The following PNPLA1 variants were observed in gnomAD, a reference collection of about 807,000 sequenced individuals.
PNPLA1 encodes the protein omega-hydroxyceramide transacylase.
In PNPLA1, 36 loss-of-function variants were observed where a neutral mutation model predicts 51.7. The ratio of observed to expected loss-of-function variants is 0.70; its 90% CI spans 0.53 to 0.92. PNPLA1 has a LOEUF of 0.92. PNPLA1 is among the 40% of genes least tolerant of loss of function. The probability of loss-of-function intolerance (pLI) is 0.00; values close to 1 mark genes in which losing one functional copy is unlikely to be tolerated. For missense variants in PNPLA1, 658 were observed against 682.5 expected (o/e 0.96, Z 0.40); for synonymous variants, 293 against 280.1 (o/e 1.05, Z -0.46).
rs140795155 is a variant in PNPLA1, at chr6:36,311,045, A to G, written c.1596-718A>G. ...GAAAGGAGCAGAGAGAGGGTATCTG[A>G]ATGCATGGTTCTGCCTAGGAGCTTT... On this transcript the variant is annotated intron_variant, in intron 8 of 8. Coordinates refer to ENST00000636260, the MANE Select transcript of PNPLA1 (RefSeq NM_001374623.1). Among the ~76,000 whole-genome samples the G allele has an allele frequency of 2.1e-3, 326 of 152,300 alleles. 1 individual carries two copies. Among genetic ancestry groups the G allele is most frequent in the African/African-American group, 7.5e-3 (310 of 41,566 alleles).
At chr6:36,263,538 C>T (rs1321114819) in intron 1 of PNPLA1, among the ~76,000 whole-genome samples, 3 of 152,176 alleles carry the variant, frequency 2.0e-5, no homozygotes, top group Admixed American at 6.5e-5. Context: ...AGAGAAGTGA[C>T]GTGATTAGGA....
At chr6:36,264,055 T>G (rs1769710962) in intron 1 of PNPLA1, among the ~76,000 whole-genome samples, 1 of 152,174 alleles carries the variant, frequency 6.6e-6, no homozygotes, top group African/African-American at 2.4e-5. Flanking sequence ...AACCTGGAGC[T>G]TCCCCATGCA....
chr6:36,280,480 C>G (rs1375221834), intron 1 of PNPLA1, among the ~76,000 whole-genome samples: 1 of 152,178 alleles, frequency 6.6e-6, no homozygotes, highest in African/African-American at 2.4e-5. Flanking sequence ...TTGGGTCTTT[C>G]ATTTTTTATG....
intron 1 of PNPLA1, among the ~76,000 whole-genome samples, chr6:36,243,727 C>T (rs888376210): frequency 7.2e-5 from 11 of 152,220 alleles, no homozygotes; most frequent in Admixed American, 7.2e-4. Context: ...AAGACACTCA[C>T]CTCCCCCAAC....
intron 5 of PNPLA1, 39 bp from the exon 6 acceptor site, chr6:36,301,822 C>A (rs373763742): frequency 5.0e-5 from 80 of 1,586,376 alleles, no homozygotes; most frequent in Non-Finnish European, 6.5e-5. Context: ...CATGCTGCTG[C>A]CAGGGCTGAG....
At chr6:36,272,717 C>T (rs1050134637) in intron 1 of PNPLA1, among the ~76,000 whole-genome samples, 5 of 152,064 alleles carry the variant, frequency 3.3e-5, no homozygotes, top group African/African-American at 1.2e-4. Context: ...TCTGAAGGGC[C>T]GGCTGGGCTG....
intron 2 of PNPLA1, among the ~76,000 whole-genome samples, chr6:36,292,626 C>T (rs1274380643): frequency 3.9e-5 from 6 of 152,202 alleles, no homozygotes; most frequent in Non-Finnish European, 8.8e-5. Flanking sequence ...CCCATGCTCA[C>T]CTCCACCATG....
At chr6:36,302,611 G>A in intron 6 of PNPLA1, 142 bp downstream of exon 6, 1 of 1,172,598 alleles carries the variant, frequency 8.5e-7, no homozygotes, top group East Asian at 2.4e-5. Flanking sequence ...TGTCCATTAT[G>A]AGGACAGTCC....
chr6:36,269,933 G>C (rs1769857771), upstream of PNPLA1, among the ~76,000 whole-genome samples: 1 of 152,212 alleles, frequency 6.6e-6, no homozygotes, highest in South Asian at 2.1e-4. Flanking sequence ...CCTCCTGGAG[G>C]GAGGCGGGCT....
At chr6:36,257,745 C>A (rs1295141370) in intron 1 of PNPLA1, among the ~76,000 whole-genome samples, 1 of 152,130 alleles carries the variant, frequency 6.6e-6, no homozygotes, top group Non-Finnish European at 1.5e-5. Context: ...TGAGTTGTCT[C>A]AAGGTTGGTC....
intron 8 of PNPLA1, 126 bp from the exon 9 acceptor site, chr6:36,311,637 A>G (rs1184801790): frequency 6.6e-6 from 1 of 152,670 alleles, no homozygotes; most frequent in East Asian, 1.9e-4. Context: ...CCAATTTCCT[A>G]GAGAGGGCAA....
intron 3 of PNPLA1, among the ~76,000 whole-genome samples, chr6:36,293,403 A>C (rs555447147): frequency 1.3e-5 from 2 of 152,294 alleles, no homozygotes; most frequent in South Asian, 4.1e-4. Flanking sequence ...GTTTTCCCAG[A>C]CTTGACAGAG....
Position 36,291,318 on chromosome 6 carries a change from A to G in PNPLA1, c.206-2A>G. 6.2e-7 allele frequency: 1 copy of G among 1,613,438 alleles called. No homozygotes were observed. ...ACCCCCTCTTCTCTGCTTCCTTTGC[A>G]GATGAGTATCTCAGAGTCCTCAACG... On this transcript the variant is annotated splice_acceptor_variant, in intron 1 of 8. Coordinates refer to ENST00000636260, the MANE Select transcript of PNPLA1 (RefSeq NM_001374623.1). LOFTEE classifies it high-confidence loss of function.
At chr6:36,265,322 C>T (rs1769738259), upstream of PNPLA1, among the ~76,000 whole-genome samples, 1 of 151,990 alleles carries the variant, frequency 6.6e-6, no homozygotes, top group South Asian at 2.1e-4. Context: ...TCCTGGGCAA[C>T]AAAAGCGAAA....
chr6:36,274,731 C>T (rs1395573944), intron 1 of PNPLA1, among the ~76,000 whole-genome samples: 2 of 152,160 alleles, frequency 1.3e-5, no homozygotes, highest in South Asian at 2.1e-4. Flanking sequence ...TTATGCCAAC[C>T]GAATAAATGT....
In PNPLA1 at chr6:36,312,654, C is replaced by G. The variant is rs1292108562; in HGVS notation, c.*768C>G. On this transcript the variant is annotated 3_prime_UTR_variant, in exon 9 of 9. Coordinates refer to ENST00000636260, the MANE Select transcript of PNPLA1 (RefSeq NM_001374623.1). ...TTCTCACTGCTGTCCGGCACACTCC[C>G]CTGACTCTGGGCCCTTTTGAGGACC... is the stretch of plus-strand genomic sequence containing the variant. 6.6e-6 allele frequency among the ~76,000 whole-genome samples: 1 copy of G among 152,222 alleles called. No individual in the cohort carries two copies. Among genetic ancestry groups the G allele is most frequent in the Non-Finnish European group, 1.5e-5 (1 of 68,046 alleles).
At chr6:36,282,203 A>AG (rs796948380) in intron 1 of PNPLA1, among the ~76,000 whole-genome samples, 4 of 69,632 alleles carry the variant, frequency 5.7e-5, no homozygotes, top group East Asian at 1.0e-3. Flanking sequence ...GAAGGAAGGA[A>AG]GGAAGGAAGG....
intron 1 of PNPLA1, among the ~76,000 whole-genome samples, chr6:36,286,586 A>G (rs770301735): frequency 2.6e-5 from 4 of 152,134 alleles, no homozygotes; most frequent in Non-Finnish European, 4.4e-5. Flanking sequence ...AAAAGTTTAA[A>G]TTAAATTTAA....
At chr6:36,267,693 C>G (rs372026506), upstream of PNPLA1, among the ~76,000 whole-genome samples, 124 of 152,160 alleles carry the variant, frequency 8.1e-4, 1 homozygote, top group African/African-American at 3.0e-3. Flanking sequence ...CTGTCCTCCC[C>G]TCAACATGAC....
Sources: allele counts gnomAD v4.1 joint callset (sites outside exome capture counted in the v4.1 genomes callset), GRCh38; gene constraint gnomAD v4.1.1; transcripts MANE v1.5; gene names NCBI Gene and HGNC (gene_info 2026-07-23, HGNC 2026-07-21).